The following SLC25A24 variants were observed in gnomAD, a reference collection of about 807,000 sequenced individuals.
SLC25A24 encodes the protein mitochondrial adenyl nucleotide antiporter SLC25A24.
In SLC25A24, 49 loss-of-function variants were observed where a neutral mutation model predicts 60.7. The observed-to-expected ratio is 0.81, with a 90% CI of 0.64 to 1.02. The LOEUF (loss-of-function observed/expected upper bound fraction) is 1.02. Ranked by LOEUF, SLC25A24 falls within the 50% of genes least tolerant of loss-of-function variation. The probability of loss-of-function intolerance (pLI) is 0.00; values close to 1 mark genes in which losing one functional copy is unlikely to be tolerated. For synonymous variants in SLC25A24, 202 were observed against 200.6 expected, an observed-to-expected ratio of 1.01 and a Z score of -0.06; for missense variants, 564 against 586.3, an observed-to-expected ratio of 0.96 and a Z score of 0.39.
intron 8 of SLC25A24, among the ~76,000 whole-genome samples, chr1:108,143,056 A>G (rs889207271): frequency 1.3e-4 from 20 of 152,174 alleles, no homozygotes; most frequent in African/African-American, 4.6e-4. Context: ...GCACACATTG[A>G]GTCCTTTGAA....
At chr1:108,181,038 C>T (rs539603546) in intron 3 of SLC25A24, among the ~76,000 whole-genome samples, 1 of 152,250 alleles carries the variant, frequency 6.6e-6, no homozygotes, top group South Asian at 2.1e-4. Context: ...ATCTTCTTTT[C>T]ATGTTTTAGG....
intron 7 of SLC25A24, among the ~76,000 whole-genome samples, chr1:108,147,594 A>G (rs955778324): frequency 1.3e-5 from 2 of 152,186 alleles, no homozygotes; most frequent in African/African-American, 4.8e-5. Flanking sequence ...GCTGTATGAA[A>G]CAGTCCGTAG....
At chr1:108,185,419 A>C (rs906482020) in intron 2 of SLC25A24, among the ~76,000 whole-genome samples, 1 of 152,224 alleles carries the variant, frequency 6.6e-6, no homozygotes, top group Non-Finnish European at 1.5e-5. Flanking sequence ...ATAATCTGAA[A>C]GTTTTTTAAA....
intron 1 of SLC25A24, among the ~76,000 whole-genome samples, chr1:108,191,581 T>C (rs1333350680): frequency 7.1e-6 from 1 of 139,970 alleles, no homozygotes; most frequent in Non-Finnish European, 1.6e-5. Context: ...TACCAGGGTA[T>C]GGGGCTTGGA....
Position 108,192,841 on chromosome 1 carries a change from G to A in SLC25A24, c.184-6887C>T. ...TTCAGCGCAAAGGCGCGAGCGCGCA[G>A]GACCCGGGACCTGCGTGGGACCGCA... On this transcript the variant is annotated intron_variant, in intron 1 of 9. Transcript: ENST00000565488. 2 of 1,101,502 alleles carry A rather than the reference G, an allele frequency of 1.8e-6. 1 individual carries two copies. The highest frequency in any genetic ancestry group is 6.6e-4 in the Middle Eastern group (2 of 3,052). The allele number at this position is 1,101,502 out of a possible 1,614,324, so 68.2% of individuals were successfully genotyped here.
chr1:108,192,403 T>C lies in SLC25A24; in HGVS notation c.184-6449A>G. ...ACACTGCAGTGGGCCCAGGTCAAGC[T>C]TGACAACATGTAAATTTTGCCCTCT... is the stretch of plus-strand genomic sequence containing the variant. On this transcript the variant is annotated intron_variant, in intron 1 of 9. Transcript: ENST00000565488. 4 of 922,898 alleles carry C rather than the reference T, an allele frequency of 4.3e-6. 1 individual carries two copies. Among genetic ancestry groups the C allele is most frequent in the Non-Finnish European group, 4.9e-6 (3 of 615,702 alleles). The allele number at this position is 922,898 out of a possible 1,614,324, so 57.2% of individuals were successfully genotyped here.
chr1:108,199,956 C>A lies in SLC25A24; in HGVS notation c.183G>T (p.Glu61Asp). 6.2e-7 allele frequency: 1 copy of A among 1,603,094 alleles called. No individual in the cohort carries two copies. Among genetic ancestry groups the A allele is most frequent in the Admixed American group, 1.7e-5 (1 of 58,884 alleles). The change falls in exon 1 of 10, where the codon GAG becomes GAT. Residue 61 changes from glutamate (E) to aspartate (D), a missense_variant and splice_region_variant. Transcript: ENST00000565488. ...AGGCGGCGCCCCGGCGGCGACCCAC[C>A]TCCTCGGCGTCCTGGCCCAGAGGGA... Reference protein sequence around the residue: ...LGIPLGQDAEEKIFTTGDVNK... With the variant: ...LGIPLGQDAEDKIFTTGDVNK...
At chr1:108,192,252 C>T (rs1648367007) in intron 1 of SLC25A24, among the ~76,000 whole-genome samples, 1 of 139,376 alleles carries the variant, frequency 7.2e-6, no homozygotes. Context: ...ATGTAGCCAA[C>T]ATCTTGAGAG....
Position 108,134,563 on chromosome 1 carries a change from T to C in SLC25A24, c.*2090A>G, listed in dbSNP as rs1188498294. On this transcript the variant is annotated 3_prime_UTR_variant, in exon 10 of 10. Transcript: ENST00000565488. ...ACTCTAATGGGTAAATGTGGAATTTTGATATCACAAAAAATATCACCTTGT... is the reference window on the plus strand; with the variant it reads ...ACTCTAATGGGTAAATGTGGAATTTCGATATCACAAAAAATATCACCTTGT... 6.6e-6 allele frequency: 1 copy of C among 152,126 alleles called. No homozygotes were observed. The highest frequency in any genetic ancestry group is 1.5e-5 in the Non-Finnish European group (1 of 68,032). The allele number at this position is 152,126 out of a possible 1,614,324, so 9.4% of individuals were successfully genotyped here. A position where few individuals can be genotyped will look rare whatever the true frequency, so the allele number is the denominator to read the frequency against.
Position 108,200,230 on chromosome 1 carries a change from C to G in SLC25A24, c.-92G>C. 3.9e-6 allele frequency: 5 copies of G among 1,276,578 alleles called. No homozygotes were observed. Among genetic ancestry groups the G allele is most frequent in the Non-Finnish European group, 5.1e-6 (5 of 982,082 alleles). The allele number at this position is 1,276,578 out of a possible 1,614,324, so 79.1% of individuals were successfully genotyped here. A position where few individuals can be genotyped will look rare whatever the true frequency, so the allele number is the denominator to read the frequency against. ...GGGACCAGCGCGAGGCCGGGCTGGG[C>G]GGGGCGCGCGGCGCAACAGCGTTTG... On this transcript the variant is annotated 5_prime_UTR_variant, in exon 1 of 10. Transcript: ENST00000565488.
intron 3 of SLC25A24, among the ~76,000 whole-genome samples, chr1:108,162,148 A>T (rs1017068907): frequency 6.6e-6 from 1 of 152,138 alleles, no homozygotes; most frequent in African/African-American, 2.4e-5. Flanking sequence ...GCTGCATAGT[A>T]TTCCATGGTG....
intron 3 of SLC25A24, among the ~76,000 whole-genome samples, chr1:108,180,616 A>ATCCCTCTCTCTCTCTCTCTCTCTCTC (rs532485349): frequency 1.6e-5 from 1 of 61,748 alleles, no homozygotes; most frequent in African/African-American, 6.9e-5. Flanking sequence ...CAAGAGAAAG[A>ATCCCTCTCTCTCTCTCTCTCTCTCTC]TCTCTCTCTC....
chr1:108,192,770 C>A (rs373750861), intron 1 of SLC25A24: 2 of 1,335,272 alleles, frequency 1.5e-6, no homozygotes, highest in Middle Eastern at 2.7e-4. Flanking sequence ...ACACAATGCA[C>A]CTTCATCGGT....
Position 108,200,089 on chromosome 1 carries a change from T to G in SLC25A24, c.50A>C (p.Asp17Ala), listed in dbSNP as rs1434139236. ...CTCGTAGCGCGTCGGCTGCTCCGCGTCCTGGCAGGCCGCGGTGGGCAGCAC... is the reference window on the plus strand; with the variant it reads ...CTCGTAGCGCGTCGGCTGCTCCGCGGCCTGGCAGGCCGCGGTGGGCAGCAC... Reference protein sequence around the residue: ...DFVLPTAACQDAEQPTRYETL... With the variant: ...DFVLPTAACQAAEQPTRYETL... The change falls in exon 1 of 10, where the codon GAC (aspartate) becomes GCC (alanine). Residue 17 changes from aspartate (D) to alanine (A), a missense_variant. Physicochemically the swap from Asp to Ala is moderately radical, Grantham distance 126. Coordinates refer to ENST00000565488, the MANE Select transcript of SLC25A24 (RefSeq NM_013386.5). The G allele has an allele frequency of 6.3e-7, 1 of 1,579,900 alleles. No individual in the cohort carries two copies. The highest frequency in any genetic ancestry group is 1.2e-5 in the South Asian group (1 of 86,378).
At chr1:108,147,806 C>T (rs1386188197) in intron 7 of SLC25A24, among the ~76,000 whole-genome samples, 1 of 152,094 alleles carries the variant, frequency 6.6e-6, no homozygotes, top group African/African-American at 2.4e-5. Flanking sequence ...ACCATTATAC[C>T]AGCCCCTCCT....
At chr1:108,150,019 CAG>C (rs1679714375) in intron 6 of SLC25A24, among the ~76,000 whole-genome samples, 1 of 152,200 alleles carries the variant, frequency 6.6e-6, no homozygotes, top group Admixed American at 6.5e-5. Context: ...TCCTGAACTA[CAG>C]AGTGTTACAT....
intron 1 of SLC25A24, chr1:108,198,601 G>C (rs1478538691): frequency 6.6e-6 from 1 of 152,212 alleles, no homozygotes; most frequent in African/African-American, 2.4e-5. Flanking sequence ...ATATGATGCA[G>C]TTACGTAAAA....
At chr1:108,145,856 T>G (rs998741348) in intron 7 of SLC25A24, among the ~76,000 whole-genome samples, 4 of 152,198 alleles carry the variant, frequency 2.6e-5, no homozygotes, top group Admixed American at 2.6e-4. Flanking sequence ...GCTTCGTTCA[T>G]TTTGCTTAGG....
At position 108,143,652 on chromosome 1, in the gene SLC25A24, C is replaced by A. The variant is rs1264869109; in HGVS notation, c.989G>T (p.Cys330Phe). The A allele has an allele frequency of 1.2e-6, 2 of 1,613,828 alleles. No homozygotes were observed. The highest frequency in any genetic ancestry group is 2.2e-5 in the East Asian group (1 of 44,866). ...KTGQYSGIYD[C>F]AKKILKHEGL... is the part of the protein sequence containing the mutation. ...TTCATGTTTCAAAATCTTCTTGGCA[C>A]AATCATATATTCCAGAGTACTGCCC... Residue 330 changes from cysteine to phenylalanine, a missense_variant, in exon 8 of 10, where the codon TGT (cysteine) becomes TTT (phenylalanine). Cys to Phe is a radical substitution (Grantham distance 205, BLOSUM62 -2). Transcript: ENST00000565488.
Sources: allele counts gnomAD v4.1 joint callset (sites outside exome capture counted in the v4.1 genomes callset), GRCh38; gene constraint gnomAD v4.1.1; transcripts MANE v1.5; gene names NCBI Gene and HGNC (gene_info 2026-07-23, HGNC 2026-07-21).